The following GLB1 variants were observed in gnomAD, a reference collection of about 807,000 sequenced individuals.
The protein encoded by GLB1 is beta-galactosidase.
In GLB1, 56 loss-of-function variants were observed where a neutral mutation model predicts 74.0. That is an observed-to-expected ratio of 0.76 (90% CI 0.61 to 0.94). The LOEUF (loss-of-function observed/expected upper bound fraction) is 0.94. GLB1 is among the 40% of genes least tolerant of loss of function. The probability of loss-of-function intolerance (pLI) is 0.00; values close to 1 mark genes in which losing one functional copy is unlikely to be tolerated. For missense variants in GLB1, 787 were observed against 845.5 expected (o/e 0.93, Z 0.86); for synonymous variants, 323 against 323.6 (o/e 1.00, Z 0.02).
At chr3:33,048,815 T>C (rs59296479) in intron 9 of GLB1, among the ~76,000 whole-genome samples, 12,298 of 152,170 alleles carry the variant, frequency 0.081, 1,151 homozygotes, top group East Asian at 0.48. Flanking sequence ...AGTCCAAGCT[T>C]CACCCCTTGC....
At chr3:33,029,535 GAC>G (rs1697919741) in intron 10 of GLB1, among the ~76,000 whole-genome samples, 1 of 152,040 alleles carries the variant, frequency 6.6e-6, no homozygotes, top group African/African-American at 2.4e-5. Context: ...CACTAGTAAA[GAC>G]ACGGAATCAA....
the GLB1 span, among the ~76,000 whole-genome samples, chr3:32,964,924 T>G: frequency 2.6e-5 from 4 of 152,124 alleles, no homozygotes; most frequent in Non-Finnish European, 4.4e-5. Flanking sequence ...TCTCATGAGA[T>G]CTGATGGTTT....
At chr3:33,073,656 C>G (rs373292475) in intron 1 of GLB1, among the ~76,000 whole-genome samples, 5 of 151,532 alleles carry the variant, frequency 3.3e-5, no homozygotes, top group African/African-American at 1.2e-4. Context: ...CCACTGCACT[C>G]CAGCCTGGGC....
At chr3:33,069,956 C>CCCACCCT (rs71070120) in intron 2 of GLB1, among the ~76,000 whole-genome samples, 23,447 of 149,006 alleles carry the variant, frequency 0.16, 1,963 homozygotes, top group Admixed American at 0.2. Context: ...TCACCCTCCT[C>CCCACCCT]CCACCCTCCA....
chr3:33,035,521 T>C (rs1698235775), intron 10 of GLB1, among the ~76,000 whole-genome samples: 1 of 152,204 alleles, frequency 6.6e-6, no homozygotes, highest in African/African-American at 2.4e-5. Context: ...TATGTTGAAA[T>C]TCTAATTCTT....
At chr3:33,029,113 G>C (rs139223577) in intron 10 of GLB1, among the ~76,000 whole-genome samples, 3 of 151,974 alleles carry the variant, frequency 2.0e-5, no homozygotes, top group Non-Finnish European at 2.9e-5. Flanking sequence ...ATTGATACTA[G>C]TTTGATTATC....
At chr3:33,040,703 C>T (rs868050993) in intron 10 of GLB1, among the ~76,000 whole-genome samples, 3 of 152,048 alleles carry the variant, frequency 2.0e-5, no homozygotes, top group Non-Finnish European at 4.4e-5. Flanking sequence ...ACACCATGAA[C>T]AAGAGGTCAC....
chr3:32,978,761 C>CTTTT, the GLB1 span, among the ~76,000 whole-genome samples: 1 of 84,536 alleles, frequency 1.2e-5, no homozygotes, highest in African/African-American at 3.1e-5. Flanking sequence ...TTCTTTCTTT[C>CTTTT]TTTCTTTTTT....
At chr3:33,087,118 G>GT (rs1417908098) in intron 1 of GLB1, among the ~76,000 whole-genome samples, 1 of 152,020 alleles carries the variant, frequency 6.6e-6, no homozygotes, top group East Asian at 1.9e-4. Flanking sequence ...ATAAAGAATT[G>GT]TAAGAGAATA....
At chr3:33,091,304 C>G in intron 1 of GLB1, 6 of 985,384 alleles carry the variant, frequency 6.1e-6, no homozygotes, top group Non-Finnish European at 7.2e-6. Context: ...TCCAGATCCC[C>G]CAGAACCCCA....
the GLB1 span, among the ~76,000 whole-genome samples, chr3:32,964,127 A>G: frequency 1.3e-5 from 2 of 152,232 alleles, no homozygotes; most frequent in African/African-American, 4.8e-5. Context: ...TCTTTTGATC[A>G]TGCTTGATAT....
chr3:32,968,618 A>G, the GLB1 span, among the ~76,000 whole-genome samples: 1 of 152,186 alleles, frequency 6.6e-6, no homozygotes, highest in African/African-American at 2.4e-5. Context: ...CTGCATTTAG[A>G]TCCCAAATTT....
the GLB1 span, among the ~76,000 whole-genome samples, chr3:32,966,213 T>C: frequency 6.6e-6 from 1 of 152,206 alleles, no homozygotes; most frequent in Non-Finnish European, 1.5e-5. Context: ...GTCAGCCCGT[T>C]AAACCAGCTG....
intron 12 of GLB1, among the ~76,000 whole-genome samples, 179 bp from the exon 13 acceptor site, chr3:33,018,740 A>G (rs1338966183): frequency 6.6e-6 from 1 of 152,192 alleles, no homozygotes; most frequent in African/African-American, 2.4e-5. Context: ...AGGTCATCGA[A>G]TATCTATCAT....
At chr3:33,022,564 A>ATTTTTTTTTTTTTTTTTCTTTTTTT (rs1697541070) in intron 11 of GLB1, among the ~76,000 whole-genome samples, 1 of 63,746 alleles carries the variant, frequency 1.6e-5, no homozygotes, top group Non-Finnish European at 2.9e-5. Flanking sequence ...ACTGGTTAGG[A>ATTTTTTTTTTTTTTTTTCTTTTTTT]TTTTTTTTTT....
chr3:32,970,831 C>T, the GLB1 span, among the ~76,000 whole-genome samples: 1 of 152,048 alleles, frequency 6.6e-6, no homozygotes, highest in African/African-American at 2.4e-5. Context: ...AAGCTCTTAC[C>T]CTAAGCTCTT....
chr3:32,962,945 A>G, the GLB1 span, among the ~76,000 whole-genome samples: 1 of 152,140 alleles, frequency 6.6e-6, no homozygotes, highest in African/African-American at 2.4e-5. Context: ...ACACCGATTT[A>G]AAAGCTTACA....
the GLB1 span, among the ~76,000 whole-genome samples, chr3:32,970,046 A>G: frequency 2.0e-5 from 3 of 152,228 alleles, no homozygotes; most frequent in Admixed American, 6.5e-5. Context: ...TGGACAGAGA[A>G]GGCACTAGAG....
At position 33,016,747 on chromosome 3, in the gene GLB1, C is replaced by A. The variant is rs773868843; in HGVS notation, c.1441G>T (p.Gly481Ter). The A allele has an allele frequency of 3.1e-6, 5 of 1,614,000 alleles. No individual in the cohort carries two copies. Among genetic ancestry groups the A allele is most frequent in the Non-Finnish European group, 4.2e-6 (5 of 1,180,000 alleles). The change falls in exon 14 of 16, where the codon GGA becomes TGA. Residue 481 changes from glycine to a stop codon, truncating the protein, a stop_gained. Coordinates refer to ENST00000307363, the MANE Select transcript of GLB1 (RefSeq NM_000404.4). LOFTEE classifies it high-confidence loss of function. Reference protein sequence around the residue: ...ATLDLLVENMGRVNYGAYIND... With the variant: ...ATLDLLVENM ...ATATATGCACCATAGTTCACACGTCCCATGTTCTCTACCAGAAGGTCCAGA... is the reference window on the plus strand; with the variant it reads ...ATATATGCACCATAGTTCACACGTCACATGTTCTCTACCAGAAGGTCCAGA...
Sources: allele counts gnomAD v4.1 joint callset (sites outside exome capture counted in the v4.1 genomes callset), GRCh38; gene constraint gnomAD v4.1.1; transcripts MANE v1.5; gene names NCBI Gene and HGNC (gene_info 2026-07-23, HGNC 2026-07-21).